MBTPS2: variants seen among roughly 807,000 people sequenced by gnomAD.
MBTPS2 encodes the protein membrane bound transcription factor peptidase, site 2, also known as membrane-bound transcription factor site-2 protease.
Under a neutral mutation model 35.4 loss-of-function variants are expected in MBTPS2, and 2 were observed. The observed-to-expected ratio is 0.06, with a 90% confidence interval of 0.02 to 0.18. The LOEUF is 0.18. Ranked by LOEUF, MBTPS2 falls within the 10% of genes least tolerant of loss-of-function variation. The pLI is 1.00. For synonymous variants in MBTPS2, 125 were observed against 140.4 expected, an observed-to-expected ratio of 0.89 and a Z score of 0.77; for missense variants, 244 against 386.5, an observed-to-expected ratio of 0.63 and a Z score of 3.09.
chrX:21,856,521 C>T, intron 5 of MBTPS2: 1 of 1,211,036 alleles, frequency 8.3e-7, no homozygotes, highest in Non-Finnish European at 1.1e-6. Context: ...CACACAAGAC[C>T]TGGAGATCCC....
At chrX:21,857,376 C>T in intron 5 of MBTPS2, 1 of 1,212,430 alleles carries the variant, frequency 8.2e-7, no homozygotes, top group South Asian at 1.8e-5. Flanking sequence ...GAGCTCAAAG[C>T]TGAGACGACA....
intron 3 of MBTPS2, among the ~76,000 whole-genome samples, chrX:21,850,186 TAATTA>T (rs1307574120): frequency 5.4e-5 from 6 of 111,525 alleles, no homozygotes; most frequent in Non-Finnish European, 9.4e-5. Flanking sequence ...AGCAGAAACT[TAATTA>T]AATGCCCAAC....
intron 5 of MBTPS2, chrX:21,856,342 CT>C (rs1330312030): frequency 3.3e-5 from 18 of 551,974 alleles, no homozygotes; most frequent in African/African-American, 2.1e-4. Context: ...CAGCTCGCGC[CT>C]TTCTCTGCAG....
intron 7 of MBTPS2, chrX:21,872,518 C>A (rs1347558660): frequency 9.4e-6 from 1 of 106,797 alleles, no homozygotes; most frequent in Non-Finnish European, 1.9e-5. Context: ...TTTTTTCAAG[C>A]CCTGGGCTGT....
At chrX:21,878,244 AT>A in intron 8 of MBTPS2, 108 bp downstream of exon 8, 4 of 568,885 alleles carry the variant, frequency 7.0e-6, no homozygotes, top group Non-Finnish European at 1.2e-5. Flanking sequence ...CTCTATTTGT[AT>A]CATTTTATTA....
intron 5 of MBTPS2, among the ~76,000 whole-genome samples, chrX:21,855,714 G>C (rs1051046464): frequency 1.8e-5 from 2 of 110,746 alleles, no homozygotes; most frequent in Admixed American, 9.6e-5. Context: ...TTACAGGTGT[G>C]GGATTGCTGT....
In MBTPS2 at chrX:21,884,626, C is replaced by T. The variant is rs776001170; in HGVS notation, c.*1971C>T. ...ATCAGTACCATTTGTATAAAACCGG[C>T]CTCATTATGTAAGAAAGAAAATGTT... is the stretch of plus-strand genomic sequence containing the variant. On this transcript the variant is annotated 3_prime_UTR_variant, in exon 11 of 11. Transcript: ENST00000379484. 412 of 752,033 alleles carry T rather than the reference C, an allele frequency of 5.5e-4. No individual in the cohort carries two copies. Among genetic ancestry groups the T allele is most frequent in the Non-Finnish European group, 6.3e-4 (400 of 638,697 alleles). 62.0% of individuals were successfully genotyped at this position (752,033 alleles called of 1,213,427 possible).
intron 5 of MBTPS2, among the ~76,000 whole-genome samples, chrX:21,860,105 AAAAG>A (rs1215994757): frequency 4.8e-5 from 5 of 104,034 alleles, no homozygotes; most frequent in Non-Finnish European, 9.8e-5. Context: ...AAAAAAAAAA[AAAAG>A]AGAAAAAGGG....
At chrX:21,856,348 C>T in intron 5 of MBTPS2, 1 of 595,893 alleles carries the variant, frequency 1.7e-6, no homozygotes, top group Non-Finnish European at 2.6e-6. Context: ...GCGCCTTTCT[C>T]TGCAGCTCGC....
intron 7 of MBTPS2, among the ~76,000 whole-genome samples, chrX:21,874,686 C>T (rs1037603766): frequency 1.8e-5 from 2 of 111,818 alleles, no homozygotes; most frequent in Admixed American, 9.5e-5. Flanking sequence ...CTTTTCTGGC[C>T]TTAAATTTTT....
chrX:21,885,063 T>C lies in MBTPS2; in HGVS notation c.*2408T>C. 1.3e-6 allele frequency: 1 copy of C among 751,706 alleles called. No individual in the cohort carries two copies. Among genetic ancestry groups the C allele is most frequent in the Non-Finnish European group, 1.6e-6 (1 of 636,987 alleles). 61.9% of individuals were successfully genotyped at this position (751,706 alleles called of 1,213,427 possible). A position where few individuals can be genotyped will look rare whatever the true frequency, so the allele number is the denominator to read the frequency against. On this transcript the variant is annotated 3_prime_UTR_variant, in exon 11 of 11. Coordinates refer to ENST00000379484, the MANE Select transcript of MBTPS2 (RefSeq NM_015884.4). Reference sequence around the variant, plus strand: ...GTGTTCCTACTCTGCATTGTTTACATTTTTGACAGTTTTTTTTAATCACCT... The same window carrying C: ...GTGTTCCTACTCTGCATTGTTTACACTTTTGACAGTTTTTTTTAATCACCT...
chrX:21,854,028 T>C (rs1217152035), intron 5 of MBTPS2, among the ~76,000 whole-genome samples: 1 of 110,872 alleles, frequency 9.0e-6, no homozygotes, highest in Non-Finnish European at 1.9e-5. Flanking sequence ...ATGGAATAAC[T>C]GAGGCTAAGC....
At position 21,883,684 on chromosome X, in the gene MBTPS2, T is replaced by G. The variant is rs2092961718; in HGVS notation, c.*1029T>G. 1.3e-6 allele frequency: 1 copy of G among 752,342 alleles called. No individual in the cohort carries two copies. Among genetic ancestry groups the G allele is most frequent in the Non-Finnish European group, 1.6e-6 (1 of 639,013 alleles). 62.0% of individuals were successfully genotyped at this position (752,342 alleles called of 1,213,427 possible). A position where few individuals can be genotyped will look rare whatever the true frequency, so the allele number is the denominator to read the frequency against. ...CCCATGTTTTTCTGTGTCAGGTTAT[T>G]AAGTACCTAGTCCTTGTTTTCTGTC... On this transcript the variant is annotated 3_prime_UTR_variant, in exon 11 of 11. Transcript: ENST00000379484.
chrX:21,856,841 C>T lies in MBTPS2; in HGVS notation c.670+3338C>T, dbSNP rs748893660. 6 of 1,211,612 alleles carry T rather than the reference C, an allele frequency of 5.0e-6. No individual in the cohort carries two copies. In the South Asian group the frequency reaches 8.8e-5, roughly 18 times the overall value. ...TTGAAGACGAGCACTTCCAGATGAC[C>T]CTGGCCTCTCTGTCGGCCTCGGCGG... is the stretch of plus-strand genomic sequence containing the variant. On this transcript the variant is annotated intron_variant, in intron 5 of 10. Transcript: ENST00000379484.
chrX:21,885,393 A>T lies in MBTPS2; in HGVS notation c.*2738A>T, dbSNP rs974298706. Reference sequence around the variant, plus strand: ...CCGGCATTTGATGTTTAGCAATAAAAGAATAAATGTGTACCAGCATTTTAT... The same window carrying T: ...CCGGCATTTGATGTTTAGCAATAAATGAATAAATGTGTACCAGCATTTTAT... On this transcript the variant is annotated 3_prime_UTR_variant, in exon 11 of 11. Transcript: ENST00000379484. 1 of 750,315 alleles carries T rather than the reference A, an allele frequency of 1.3e-6. No homozygotes were observed. Among genetic ancestry groups the T allele is most frequent in the Admixed American group, 8.8e-5 (1 of 11,399 alleles). 61.8% of individuals were successfully genotyped at this position (750,315 alleles called of 1,213,427 possible).
intron 1 of MBTPS2, 139 bp downstream of exon 1, chrX:21,839,948 T>A: frequency 1.7e-6 from 1 of 594,022 alleles, no homozygotes. Flanking sequence ...ATCGGCCCGG[T>A]GGAGTAAATA....
chrX:21,867,016 CAA>C (rs760076000), intron 5 of MBTPS2, among the ~76,000 whole-genome samples: 12 of 57,197 alleles, frequency 2.1e-4, no homozygotes, highest in Admixed American at 5.6e-4. Context: ...GACTCTGTCT[CAA>C]AAAAAAAAAA....
At chrX:21,879,267 TTTTG>T (rs754219848) in intron 9 of MBTPS2, among the ~76,000 whole-genome samples, 181 of 110,739 alleles carry the variant, frequency 1.6e-3, no homozygotes, top group Non-Finnish European at 2.1e-3. Context: ...TTCAGTGGGG[TTTTG>T]TTTGTTTGTT....
At chrX:21,844,999 T>C (rs2092906988) in intron 2 of MBTPS2, among the ~76,000 whole-genome samples, 172 bp from the exon 3 acceptor site, 1 of 112,613 alleles carries the variant, frequency 8.9e-6, no homozygotes, top group Non-Finnish European at 1.9e-5. Context: ...CTGCTTAAAC[T>C]AGTGCTCATG....
Sources: gnomAD v4.1 joint callset for allele counts (sites outside exome capture counted in the v4.1 genomes callset) on GRCh38, gnomAD v4.1.1 for gene constraint, MANE v1.5 for transcripts, NCBI Gene and HGNC (gene_info 2026-07-23, HGNC 2026-07-21) for gene names.